BAX: variants seen among roughly 807,000 people sequenced by gnomAD.
The protein encoded by BAX is apoptosis regulator BAX.
Under a neutral mutation model 26.8 loss-of-function variants are expected in BAX, and 21 were observed. The observed-to-expected ratio is 0.78, with a 90% CI of 0.56 to 1.13. The LOEUF (loss-of-function observed/expected upper bound fraction) is 1.13. BAX is among the 50% of genes most tolerant of loss of function. The pLI is 0.00. For missense variants in BAX, 236 were observed against 254.6 expected (o/e 0.93, Z 0.50); for synonymous variants, 110 against 101.8 (o/e 1.08, Z -0.49).
chr19:48,961,496 C>T (rs1169619538), intron 5 of BAX, 36 bp from the exon 6 acceptor site: 1 of 1,534,400 alleles, frequency 6.5e-7, no homozygotes. Context: ...CTGCCCCTGG[C>T]CGAGTCACTG....
chr19:48,956,224 C>G lies in BAX; in HGVS notation c.260C>G (p.Ser87Cys), dbSNP rs765725612. The change falls in exon 4 of 6, where the codon TCC becomes TGC. Residue 87 changes from serine to cysteine, a missense_variant. Ser to Cys is a moderately radical substitution (Grantham distance 112, BLOSUM62 -1). Transcript: ENST00000345358. ...ATGATTGCCGCCGTGGACACAGACTCCCCCCGAGAGGTCTTTTTCCGAGTG... is the reference window on the plus strand; with the variant it reads ...ATGATTGCCGCCGTGGACACAGACTGCCCCCGAGAGGTCTTTTTCCGAGTG... ...QRMIAAVDTDSPREVFFRVAA... is the reference protein window; with the variant it reads ...QRMIAAVDTDCPREVFFRVAA... 13 of 1,575,904 alleles carry G rather than the reference C, an allele frequency of 8.2e-6. No homozygotes were observed. The highest frequency in any genetic ancestry group is 1.0e-5 in the Non-Finnish European group (12 of 1,161,328).
intron 5 of BAX, chr19:48,961,307 G>A (rs1276354186): frequency 6.6e-5 from 91 of 1,382,300 alleles, no homozygotes; most frequent in Admixed American, 6.3e-4. Flanking sequence ...GGTTGGTCTC[G>A]AACTCCTGGC....
At chr19:48,957,365 C>T (rs2038182832) in intron 4 of BAX, among the ~76,000 whole-genome samples, 1 of 140,608 alleles carries the variant, frequency 7.1e-6, no homozygotes, top group Non-Finnish European at 1.5e-5. Flanking sequence ...ACCTCTGCCT[C>T]CCGGGTTCAA....
chr19:48,960,330 A>AT, intron 4 of BAX: 1 of 375,856 alleles, frequency 2.7e-6, no homozygotes, highest in Non-Finnish European at 5.3e-6. Context: ...AGGAGCTGGG[A>AT]TTACAGGTGC....
At position 48,955,777 on chromosome 19, in the gene BAX, G is replaced by A. The variant is rs997097985; in HGVS notation, c.177G>A (p.Leu59=). ...PVPQDASTKK[L]SECLKRIGDE... The stretch of plus-strand genomic sequence containing the variant: ...CTCAGGATGCGTCCACCAAGAAGCT[G>A]AGCGAGTGTCTCAAGCGCATCGGGG... The change falls in exon 3 of 6, where the codon CTG becomes CTA. Residue 59 remains leucine, a synonymous_variant. Coordinates refer to ENST00000345358, the MANE Select transcript of BAX (RefSeq NM_138761.4). 2 of 1,613,194 alleles carry A rather than the reference G, an allele frequency of 1.2e-6. No individual in the cohort carries two copies. The highest frequency in any genetic ancestry group is 1.7e-6 in the Non-Finnish European group (2 of 1,179,678).
intron 5 of BAX, 36 bp downstream of exon 5, chr19:48,960,950 C>T (rs765013477): frequency 2.9e-5 from 47 of 1,612,906 alleles, no homozygotes; most frequent in South Asian, 4.4e-5. Context: ...CCCACCACCG[C>T]GCCCTCACCA....
intron 4 of BAX, among the ~76,000 whole-genome samples, chr19:48,958,284 C>A (rs867659145): frequency 6.7e-6 from 1 of 148,568 alleles, no homozygotes; most frequent in Non-Finnish European, 1.5e-5. Context: ...TCTATAGAGA[C>A]GGGGTCTCGC....
rs140996965 is a variant in BAX, at chr19:48,956,061, C to T, written c.234-137C>T. On this transcript the variant is annotated intron_variant, in intron 3 of 5. Transcript: ENST00000345358. ...GTCTGTCTTGTCCCCTTCCCTTGTCCCCCGTTGGCCTGTTGCTTTTCATTT... is the reference window on the plus strand; with the variant it reads ...GTCTGTCTTGTCCCCTTCCCTTGTCTCCCGTTGGCCTGTTGCTTTTCATTT... The T allele has an allele frequency of 3.2e-6, 4 of 1,237,772 alleles. No homozygotes were observed. In the African/African-American group the frequency reaches 4.6e-5, roughly 14 times the overall value. 76.7% of individuals were successfully genotyped at this position (1,237,772 alleles called of 1,614,324 possible).
chr19:48,960,631 G>A (rs1253571724), intron 4 of BAX, among the ~76,000 whole-genome samples, 179 bp from the exon 5 acceptor site: 1 of 152,218 alleles, frequency 6.6e-6, no homozygotes, highest in African/African-American at 2.4e-5. Flanking sequence ...CCAAAGTGCT[G>A]GGATTACAGG....
rs747867623 is a variant in BAX at position 48,956,189 on chromosome 19, C to T, written c.234-9C>T. 1.1e-5 allele frequency: 17 copies of T among 1,518,118 alleles called. No homozygotes were observed. The highest frequency in any genetic ancestry group is 1.5e-5 in the Non-Finnish European group (17 of 1,131,864). The allele number at this position is 1,518,118 out of a possible 1,614,324, so 94.0% of individuals were successfully genotyped here. On this transcript the variant is annotated splice_polypyrimidine_tract_variant and intron_variant, in intron 3 of 5. Coordinates refer to ENST00000345358, the MANE Select transcript of BAX (RefSeq NM_138761.4). ...TGCTCCCCGGCACTGGTTCTCCTCT[C>T]TCCTGCAGGATGATTGCCGCCGTGG...
At position 48,960,931 on chromosome 19, in the gene BAX, C is replaced by T. The variant is rs2038330996; in HGVS notation, c.474+17C>T. On this transcript the variant is annotated intron_variant, in intron 5 of 5. Transcript: ENST00000345358. ...GGTGGTTGGGTGAGACTCCTCAAGC[C>T]TCCTCACCCCCACCACCGCGCCCTC... 6.2e-7 allele frequency: 1 copy of T among 1,613,626 alleles called. No homozygotes were observed. The highest frequency in any genetic ancestry group is 8.5e-7 in the Non-Finnish European group (1 of 1,179,914).
intron 4 of BAX, among the ~76,000 whole-genome samples, chr19:48,958,555 T>C (rs78813949): frequency 6.8e-6 from 1 of 147,628 alleles, no homozygotes; most frequent in African/African-American, 2.5e-5. Context: ...TTTTTTTTTT[T>C]TCCTGAGACG....
intron 3 of BAX, 100 bp from the exon 4 acceptor site, chr19:48,956,097 TG>T (rs2038118057): frequency 1.4e-6 from 2 of 1,391,170 alleles, no homozygotes; most frequent in Non-Finnish European, 1.9e-6. Flanking sequence ...CAGCCTGGCT[TG>T]GGGCTCAGTC....
At chr19:48,959,077 G>T (rs144622479) in intron 4 of BAX, among the ~76,000 whole-genome samples, 1 of 151,608 alleles carries the variant, frequency 6.6e-6, no homozygotes, top group Non-Finnish European at 1.5e-5. Context: ...CTGGCTGGGC[G>T]TGGTGGCTCA....
chr19:48,958,977 T>A (rs2038242365), intron 4 of BAX, among the ~76,000 whole-genome samples: 1 of 152,144 alleles, frequency 6.6e-6, no homozygotes, highest in Non-Finnish European at 1.5e-5. Context: ...AGTGGCCAGA[T>A]AAAGGCTGCA....
intron 4 of BAX, chr19:48,960,254 C>T (rs909583241): frequency 2.2e-6 from 1 of 446,510 alleles, no homozygotes; most frequent in Non-Finnish European, 4.5e-6. Flanking sequence ...CGTGAAATGG[C>T]GTGATCTGGG....
chr19:48,957,736 T>A (rs940822984), intron 4 of BAX, among the ~76,000 whole-genome samples: 12 of 152,156 alleles, frequency 7.9e-5, no homozygotes, highest in African/African-American at 2.9e-4. Context: ...CATCATAAAT[T>A]GAAAATAACA....
intron 4 of BAX, among the ~76,000 whole-genome samples, chr19:48,957,522 A>G (rs200713911): frequency 0.021 from 3,095 of 149,498 alleles, 71 homozygotes; most frequent in East Asian, 0.083. Flanking sequence ...TGATCCGCCC[A>G]CCTTGGCCTC....
chr19:48,955,971 GCCCT>G, intron 3 of BAX, 138 bp downstream of exon 3: 1 of 1,193,750 alleles, frequency 8.4e-7, no homozygotes, highest in Non-Finnish European at 1.1e-6. Flanking sequence ...CGGACTCCCA[GCCCT>G]CCTCTCTGCC....
Sources: gnomAD v4.1 joint callset for allele counts (sites outside exome capture counted in the v4.1 genomes callset) on GRCh38, gnomAD v4.1.1 for gene constraint, MANE v1.5 for transcripts, NCBI Gene and HGNC (gene_info 2026-07-23, HGNC 2026-07-21) for gene names.